Variants in CNTN5 observed in about 807,000 individuals in gnomAD.
CNTN5 encodes contactin-5.
In CNTN5, 77 loss-of-function variants were observed where a neutral mutation model predicts 129.1. The ratio of observed to expected loss-of-function variants is 0.60; its 90% CI spans 0.50 to 0.72. The LOEUF (loss-of-function observed/expected upper bound fraction) is 0.72, where lower values mean the gene tolerates loss of function less well. Among genes scored for constraint, CNTN5 ranks in the 30% least tolerant of loss-of-function variants. CNTN5 has a pLI of 0.00. For synonymous variants in CNTN5, 509 were observed against 465.6 expected, an observed-to-expected ratio of 1.09 and a Z score of -1.20; for missense variants, 1,478 against 1,328.8, an observed-to-expected ratio of 1.11 and a Z score of -1.75.
chr11:99,717,597 A>AT (rs1042012638), intron 3 of CNTN5, among the ~76,000 whole-genome samples: 27 of 152,086 alleles, frequency 1.8e-4, no homozygotes, highest in Non-Finnish European at 3.1e-4. Flanking sequence ...CGAATCAAGC[A>AT]TTTTTTAATC....
At chr11:99,356,695 A>G (rs1183656057) in intron 2 of CNTN5, among the ~76,000 whole-genome samples, 1 of 151,774 alleles carries the variant, frequency 6.6e-6, no homozygotes, top group Non-Finnish European at 1.5e-5. Flanking sequence ...CTGCTTTTTA[A>G]TGTATAATAA....
intron 2 of CNTN5, among the ~76,000 whole-genome samples, chr11:99,531,149 G>T (rs899257046): frequency 5.3e-5 from 8 of 152,190 alleles, no homozygotes; most frequent in Non-Finnish European, 7.3e-5. Context: ...ATAAGGTCCA[G>T]ACTGAGGTGG....
intron 3 of CNTN5, among the ~76,000 whole-genome samples, chr11:99,688,340 G>A (rs1162093192): frequency 6.6e-6 from 1 of 152,040 alleles, no homozygotes; most frequent in Admixed American, 6.5e-5. Flanking sequence ...ATCATGCCCA[G>A]CCAAGAAATT....
chr11:100,207,540 A>T (rs532364112), intron 15 of CNTN5, among the ~76,000 whole-genome samples: 2 of 152,266 alleles, frequency 1.3e-5, no homozygotes, highest in East Asian at 3.9e-4. Context: ...AAAACTAAAA[A>T]ATACTGCATT....
intron 17 of CNTN5, among the ~76,000 whole-genome samples, chr11:100,260,247 A>C (rs1287896577): frequency 1.3e-5 from 2 of 152,318 alleles, no homozygotes; most frequent in African/African-American, 4.8e-5. Flanking sequence ...TAAACCAAGA[A>C]GAATTTGAAT....
intron 6 of CNTN5, among the ~76,000 whole-genome samples, chr11:99,849,510 C>A (rs1281374240): frequency 6.6e-6 from 1 of 152,052 alleles, no homozygotes; most frequent in African/African-American, 2.4e-5. Flanking sequence ...CCTTGTCAGG[C>A]ATAGATTTAC....
At chr11:100,133,937 T>C (rs1233458057) in intron 13 of CNTN5, among the ~76,000 whole-genome samples, 3 of 152,130 alleles carry the variant, frequency 2.0e-5, no homozygotes, top group Admixed American at 6.6e-5. Context: ...ATACCAAAGA[T>C]GGATTTATAG....
chr11:99,857,782 ACT>A (rs992186453), intron 6 of CNTN5, among the ~76,000 whole-genome samples: 24 of 151,902 alleles, frequency 1.6e-4, no homozygotes, highest in African/African-American at 5.8e-4. Context: ...AGAGAAGAAA[ACT>A]CTCTGACTTT....
intron 13 of CNTN5, among the ~76,000 whole-genome samples, chr11:100,161,830 TACACACAC>T (rs71050053): frequency 0.018 from 2,327 of 125,860 alleles, 56 homozygotes; most frequent in East Asian, 0.081. Flanking sequence ...TGGAGCTTCC[TACACACAC>T]ACACACACAC....
At chr11:99,869,851 C>A (rs1948456440) in intron 6 of CNTN5, among the ~76,000 whole-genome samples, 1 of 152,106 alleles carries the variant, frequency 6.6e-6, no homozygotes, top group African/African-American at 2.4e-5. Flanking sequence ...GTAACTCCTC[C>A]CTTAGGGATC....
rs1444198615 is a variant in CNTN5 at position 99,657,469 on chromosome 11, C to T, written c.55+101200C>T. Among the ~76,000 whole-genome samples the T allele has an allele frequency of 5.9e-5, 9 of 152,162 alleles. No homozygotes were observed. The East Asian group carries it at 9.7e-4, about 16-fold the overall frequency. ...CCATGGTATCCTTGATTGCTGTACA[C>T]GGTGACACAAATTCCTTGTATATCA... On this transcript the variant is annotated intron_variant, in intron 3 of 24. Coordinates refer to ENST00000524871, the MANE Select transcript of CNTN5 (RefSeq NM_014361.4).
rs550669682 is a variant in CNTN5 at position 100,350,148 on chromosome 11, C to T, written c.3031-554C>T. Reference sequence around the variant, plus strand: ...AATTTTCACTTTCAACTGTTTCCTACATTGTTAAGGATTTATTATTGGTAT... The same window carrying T: ...AATTTTCACTTTCAACTGTTTCCTATATTGTTAAGGATTTATTATTGGTAT... On this transcript the variant is annotated intron_variant, in intron 23 of 24. Coordinates refer to ENST00000524871, the MANE Select transcript of CNTN5 (RefSeq NM_014361.4). Among the ~76,000 whole-genome samples, 173 of 151,904 alleles carry T rather than the reference C, an allele frequency of 1.1e-3. 1 individual carries two copies. The highest frequency in any genetic ancestry group is 1.9e-3 in the Non-Finnish European group (129 of 67,800).
At chr11:100,102,588 G>A (rs1945265530) in intron 13 of CNTN5, among the ~76,000 whole-genome samples, 1 of 74,200 alleles carries the variant, frequency 1.3e-5, no homozygotes, top group Non-Finnish European at 2.2e-5. Context: ...GTAAACTGGT[G>A]CCAAATGTAA....
chr11:100,229,005 C>T (rs532222596), intron 16 of CNTN5, among the ~76,000 whole-genome samples: 4 of 152,180 alleles, frequency 2.6e-5, no homozygotes, highest in Admixed American at 1.3e-4. Flanking sequence ...CACAGGGCCC[C>T]GAACTTGCAA....
At chr11:99,230,106 A>G (rs1386845583) in intron 1 of CNTN5, among the ~76,000 whole-genome samples, 1 of 152,036 alleles carries the variant, frequency 6.6e-6, no homozygotes, top group Non-Finnish European at 1.5e-5. Flanking sequence ...TGATTCTTCT[A>G]TTGTTAAAAT....
chr11:100,058,596 C>T (rs980132124), intron 9 of CNTN5, among the ~76,000 whole-genome samples: 4 of 152,024 alleles, frequency 2.6e-5, no homozygotes, highest in Admixed American at 2.0e-4. Context: ...AATACATGCA[C>T]CTACACCAAC....
chr11:100,087,673 C>T (rs1452875440), intron 13 of CNTN5, among the ~76,000 whole-genome samples: 1 of 151,936 alleles, frequency 6.6e-6, no homozygotes, highest in African/African-American at 2.4e-5. Flanking sequence ...AGCCACACAA[C>T]AGTAGTGGGG....
intron 1 of CNTN5, among the ~76,000 whole-genome samples, chr11:99,055,864 C>G (rs1230423517): frequency 1.3e-5 from 2 of 151,930 alleles, no homozygotes; most frequent in African/African-American, 4.8e-5. Context: ...TGCCTTCAGG[C>G]TCCCTCTATT....
intron 2 of CNTN5, among the ~76,000 whole-genome samples, chr11:99,337,913 T>G (rs963265762): frequency 6.6e-6 from 1 of 152,178 alleles, no homozygotes; most frequent in African/African-American, 2.4e-5. Flanking sequence ...TGTTGTTTTC[T>G]TTACTATTGA....
Sources: allele counts gnomAD v4.1 joint callset (sites outside exome capture counted in the v4.1 genomes callset), GRCh38; gene constraint gnomAD v4.1.1; transcripts MANE v1.5; gene names NCBI Gene and HGNC (gene_info 2026-07-23, HGNC 2026-07-21).